Variants in CXCL14 observed in about 807,000 individuals in gnomAD.
CXCL14 encodes the protein C-X-C motif chemokine ligand 14, also known as C-X-C motif chemokine 14.
Under a neutral mutation model 16.1 loss-of-function variants are expected in CXCL14, and 9 were observed. That is an observed-to-expected ratio of 0.56 (90% confidence interval 0.34 to 0.97). CXCL14 has a LOEUF of 0.97. CXCL14 is among the 50% of genes least tolerant of loss of function. The probability of loss-of-function intolerance (pLI) is 0.02; values close to 1 mark genes in which losing one functional copy is unlikely to be tolerated. For synonymous variants in CXCL14, 55 were observed against 52.8 expected (o/e 1.04, Z -0.18); for missense variants, 111 against 132.5 (o/e 0.84, Z 0.80).
rs115419369 is a variant in CXCL14 at position 135,572,029 on chromosome 5, G to A, written c.285-161C>T. On this transcript the variant is annotated intron_variant, in intron 3 of 3. Transcript: ENST00000512158. ...AAGTGGGAGGGATCCTTCTGAGGAT[G>A]TGGTCCCGGGGACCATGAAAACTCA... is the stretch of plus-strand genomic sequence containing the variant. Among the ~76,000 whole-genome samples the A allele has an allele frequency of 3.5e-3, 528 of 152,264 alleles. 4 individuals carry two copies. The highest frequency in any genetic ancestry group is 0.012 in the African/African-American group (507 of 41,556).
rs1751029769 is a variant in CXCL14 at position 135,571,654 on chromosome 5, G to A, written c.*199C>T. ...TCTCCCATCTGGAAGCCTTTCGCAC[G>A]CAGCTATAAAATGTAAAAACTGACC... On this transcript the variant is annotated 3_prime_UTR_variant, in exon 4 of 4. Transcript: ENST00000512158. 4 of 541,906 alleles carry A rather than the reference G, an allele frequency of 7.4e-6. No individual in the cohort carries two copies. Among genetic ancestry groups the A allele is most frequent in the Non-Finnish European group, 1.3e-5 (4 of 317,852 alleles). The allele number at this position is 541,906 out of a possible 1,614,324, so 33.6% of individuals were successfully genotyped here.
At position 135,578,800 on chromosome 5, in the gene CXCL14, T is replaced by G; in HGVS notation, c.-22A>C. 2 of 1,534,562 alleles carry G rather than the reference T, an allele frequency of 1.3e-6. No individual in the cohort carries two copies. Among genetic ancestry groups the G allele is most frequent in the Non-Finnish European group, 1.7e-6 (2 of 1,142,886 alleles). ...TCATGCTGACCGGAGGGGCGCGGCG[T>G]GGGAGCAGGGACATGGGGAGGGCGC... On this transcript the variant is annotated 5_prime_UTR_variant, in exon 1 of 4. Transcript: ENST00000512158.
intron 2 of CXCL14, among the ~76,000 whole-genome samples, chr5:135,576,173 G>A (rs1416519602): frequency 1.3e-5 from 2 of 152,286 alleles, no homozygotes; most frequent in East Asian, 3.9e-4. Flanking sequence ...GCCAGGTGAT[G>A]GTGCCTGCCT....
At position 135,578,851 on chromosome 5, in the gene CXCL14, G is replaced by C; in HGVS notation, c.-73C>G. On this transcript the variant is annotated 5_prime_UTR_variant, in exon 1 of 4. Transcript: ENST00000512158. ...TGGCCCGTCGGAGCGGCGGCCCGGAGACGCCACCCAGCTCTGCTCGGCTTT... is the reference window on the plus strand; with the variant it reads ...TGGCCCGTCGGAGCGGCGGCCCGGACACGCCACCCAGCTCTGCTCGGCTTT... The C allele has an allele frequency of 6.9e-7, 1 of 1,440,642 alleles. No individual in the cohort carries two copies. The highest frequency in any genetic ancestry group is 9.2e-7 in the Non-Finnish European group (1 of 1,092,352). 89.2% of individuals were successfully genotyped at this position (1,440,642 alleles called of 1,614,324 possible).
intron 2 of CXCL14, among the ~76,000 whole-genome samples, chr5:135,577,924 C>T (rs919649547): frequency 4.6e-5 from 7 of 152,180 alleles, no homozygotes; most frequent in Admixed American, 2.6e-4. Context: ...GGAGCGTTCT[C>T]AAAATAAAAT....
chr5:135,571,964 G>A (rs994912290), intron 3 of CXCL14, 96 bp from the exon 4 acceptor site: 1 of 1,268,926 alleles, frequency 7.9e-7, no homozygotes, highest in Admixed American at 1.9e-5. Context: ...CTGGTCTGCA[G>A]GGAATGCCCC....
At chr5:135,571,994 C>T in intron 3 of CXCL14, 126 bp from the exon 4 acceptor site, 5 of 896,628 alleles carry the variant, frequency 5.6e-6, no homozygotes, top group South Asian at 1.6e-5. Context: ...ACTGCAGGAA[C>T]CCCCAGGAGA....
rs1240810503 is a variant in CXCL14, at chr5:135,571,995, C to G, written c.285-127G>C. On this transcript the variant is annotated intron_variant, in intron 3 of 3. Transcript: ENST00000512158. Reference sequence around the variant, plus strand: ...GCCCCTGTCCCAGAACTGCAGGAACCCCCAGGAGAAGTGGGAGGGATCCTT... The same window carrying G: ...GCCCCTGTCCCAGAACTGCAGGAACGCCCAGGAGAAGTGGGAGGGATCCTT... 4 of 893,740 alleles carry G rather than the reference C, an allele frequency of 4.5e-6. No individual in the cohort carries two copies. The African/African-American group carries it at 6.7e-5, about 15-fold the overall frequency. 55.4% of individuals were successfully genotyped at this position (893,740 alleles called of 1,614,324 possible).
intron 2 of CXCL14, 116 bp from the exon 3 acceptor site, chr5:135,574,801 G>T (rs1032621250): frequency 3.7e-6 from 3 of 818,654 alleles, no homozygotes; most frequent in Non-Finnish European, 6.1e-6. Context: ...GTGGCTTCCT[G>T]CCTCCTCTCA....
intron 2 of CXCL14, among the ~76,000 whole-genome samples, chr5:135,576,431 CAGGGAGAGCAGGA>C (rs1751100114): frequency 2.0e-5 from 3 of 152,302 alleles, no homozygotes; most frequent in South Asian, 2.1e-4. Context: ...TCCTGAAGGT[CAGGGAGAGCAGGA>C]AGGGAGAGCA....
chr5:135,573,427 G>T (rs557437919), intron 3 of CXCL14, among the ~76,000 whole-genome samples: 2 of 152,298 alleles, frequency 1.3e-5, no homozygotes, highest in African/African-American at 2.4e-5. Context: ...GGTTGAGCCC[G>T]AGTGTCAGCT....
intron 2 of CXCL14, among the ~76,000 whole-genome samples, chr5:135,575,433 A>T (rs971373412): frequency 6.6e-6 from 1 of 152,114 alleles, no homozygotes; most frequent in Non-Finnish European, 1.5e-5. Context: ...CTGAATCTCA[A>T]ATTTGGCTGT....
chr5:135,578,591 T>C, intron 1 of CXCL14, 52 bp from the exon 2 acceptor site: 1 of 1,600,698 alleles, frequency 6.2e-7, no homozygotes, highest in Non-Finnish European at 8.6e-7. Flanking sequence ...CTCCTGCCCC[T>C]CGACCACCTT....
intron 3 of CXCL14, 110 bp from the exon 4 acceptor site, chr5:135,571,978 C>A: frequency 1.9e-6 from 2 of 1,080,982 alleles, no homozygotes; most frequent in East Asian, 2.5e-5. Flanking sequence ...ATGCCCCTGT[C>A]CCAGAACTGC....
chr5:135,577,609 G>A (rs1751126310), intron 2 of CXCL14, among the ~76,000 whole-genome samples: 1 of 152,228 alleles, frequency 6.6e-6, no homozygotes, highest in African/African-American at 2.4e-5. Flanking sequence ...CCTGTTTCTG[G>A]GGGAGGGGAA....
Position 135,578,448 on chromosome 5 carries a change from C to T in CXCL14, c.156G>A (p.Glu52=), listed in dbSNP as rs1237123377. 1 of 1,614,102 alleles carries T rather than the reference C, an allele frequency of 6.2e-7. No homozygotes were observed. Among genetic ancestry groups the T allele is most frequent in the East Asian group, 2.2e-5 (1 of 44,896 alleles). ...LEMKPKYPHC[E]EKMVIITTKS... ...CGAGAACTCACATAACCATCTTCTC[C>T]TCGCAGTGCGGGTACTTTGGCTTCA... Residue 52 remains glutamate (E), a synonymous_variant, in exon 2 of 4, where the codon GAG becomes GAA. Coordinates refer to ENST00000512158, the MANE Select transcript of CXCL14 (RefSeq NM_004887.5).
chr5:135,571,742 C>CTT lies in CXCL14; in HGVS notation c.*109_*110dup, dbSNP rs566365690. The CTT allele has an allele frequency of 3.6e-4, 167 of 460,486 alleles. 9 individuals carry two copies. Among genetic ancestry groups the CTT allele is most frequent in the African/African-American group, 4.7e-4 (11 of 23,572 alleles). The allele number at this position is 460,486 out of a possible 1,614,324, so 28.5% of individuals were successfully genotyped here. The stretch of plus-strand genomic sequence containing the variant: ...GTCTTATGCCTGTGAGAAAGAAAGG[C>CTT]TTTTTTTTTTTTTTTTTTTTTTTTT... On this transcript the variant is annotated 3_prime_UTR_variant, in exon 4 of 4. Coordinates refer to ENST00000512158, the MANE Select transcript of CXCL14 (RefSeq NM_004887.5).
intron 2 of CXCL14, among the ~76,000 whole-genome samples, chr5:135,577,771 C>G (rs921191441): frequency 5.3e-5 from 8 of 152,238 alleles, no homozygotes; most frequent in African/African-American, 1.9e-4. Flanking sequence ...TTCTCTCACT[C>G]TGCCCCAGTT....
chr5:135,578,618 A>T, intron 1 of CXCL14, 79 bp from the exon 2 acceptor site: 1 of 1,590,166 alleles, frequency 6.3e-7, no homozygotes, highest in Non-Finnish European at 8.6e-7. Flanking sequence ...CACCCAGACC[A>T]CCCCCCGCGG....
Sources: gnomAD v4.1 joint callset for allele counts (sites outside exome capture counted in the v4.1 genomes callset) on GRCh38, gnomAD v4.1.1 for gene constraint, MANE v1.5 for transcripts, NCBI Gene and HGNC (gene_info 2026-07-23, HGNC 2026-07-21) for gene names.